KAT6A: variants seen among roughly 807,000 people sequenced by gnomAD.
The protein encoded by KAT6A is histone acetyltransferase KAT6A.
In KAT6A, 9 loss-of-function variants were observed where a neutral mutation model predicts 198.4. That is an observed-to-expected ratio of 0.05 (90% CI 0.03 to 0.08). The LOEUF is 0.08. Among genes scored for constraint, KAT6A ranks in the 10% least tolerant of loss-of-function variants. The pLI is 1.00. For missense variants in KAT6A, 2,077 were observed against 2,509.9 expected (o/e 0.83, Z 3.69); for synonymous variants, 890 against 883.0 (o/e 1.01, Z -0.14).
rs1236640360 is a variant in KAT6A, at chr8:42,049,011, T to C, written c.-34A>G. On this transcript the variant is annotated 5_prime_UTR_variant, in exon 2 of 17. Coordinates refer to ENST00000265713, the MANE Select transcript of KAT6A (RefSeq NM_006766.5). ...ATTCTGTATATCCATAGAGTCGTTA[T>C]CCCTTATCCTGATGCTGAGTAAGTT... 2 of 1,577,422 alleles carry C rather than the reference T, an allele frequency of 1.3e-6. No homozygotes were observed. Among genetic ancestry groups the C allele is most frequent in the South Asian group, 2.3e-5 (2 of 85,922 alleles).
chr8:41,942,036 C>T (rs1822165575), intron 14 of KAT6A: 1 of 184,122 alleles, frequency 5.4e-6, no homozygotes. Flanking sequence ...TTAAACTGCA[C>T]TAAAGAGAGG....
chr8:42,012,204 A>G (rs2150909385), intron 2 of KAT6A, among the ~76,000 whole-genome samples: 1 of 152,340 alleles, frequency 6.6e-6, no homozygotes, highest in East Asian at 1.9e-4. Context: ...GTTTCTTATA[A>G]AAGTTAAACA....
At chr8:41,943,715 T>A in intron 13 of KAT6A, 33 bp downstream of exon 13, 1 of 1,511,242 alleles carries the variant, frequency 6.6e-7, no homozygotes, top group Non-Finnish European at 9.2e-7. Flanking sequence ...CCTAATTATC[T>A]TTCAAAGGTA....
intron 2 of KAT6A, among the ~76,000 whole-genome samples, chr8:41,991,491 A>G (rs963240277): frequency 2.6e-5 from 4 of 152,336 alleles, no homozygotes; most frequent in African/African-American, 9.6e-5. Flanking sequence ...TTGTAAACAG[A>G]CTACTGAGGT....
At chr8:42,015,771 T>C (rs953709655) in intron 2 of KAT6A, among the ~76,000 whole-genome samples, 6 of 152,226 alleles carry the variant, frequency 3.9e-5, no homozygotes, top group Admixed American at 1.3e-4. Context: ...TGCAATGCTA[T>C]GAACAACTGA....
chr8:42,012,080 G>A (rs1466224629), intron 2 of KAT6A, among the ~76,000 whole-genome samples: 5 of 152,084 alleles, frequency 3.3e-5, no homozygotes, highest in African/African-American at 9.7e-5. Flanking sequence ...CTATTAGAAC[G>A]GCTTTTTAAA....
At chr8:41,946,511 C>CAT in intron 12 of KAT6A, 80 bp downstream of exon 12, 1 of 690,126 alleles carries the variant, frequency 1.4e-6, no homozygotes, top group Non-Finnish European at 2.6e-6. Context: ...CACACACACA[C>CAT]ACACACACAC....
intron 2 of KAT6A, among the ~76,000 whole-genome samples, chr8:42,000,352 A>G (rs1587807061): frequency 6.6e-6 from 1 of 152,098 alleles, no homozygotes; most frequent in Admixed American, 6.6e-5. Flanking sequence ...GGACTTTGAG[A>G]CCTGCCTGGC....
chr8:41,977,924 TA>T (rs559463496), intron 6 of KAT6A, among the ~76,000 whole-genome samples: 1 of 152,174 alleles, frequency 6.6e-6, no homozygotes, highest in Admixed American at 6.5e-5. Context: ...GTCTTACGTG[TA>T]AAAAAAGTAA....
chr8:41,965,840 T>C (rs1185605055), intron 8 of KAT6A, among the ~76,000 whole-genome samples: 1 of 152,188 alleles, frequency 6.6e-6, no homozygotes, highest in African/African-American at 2.4e-5. Flanking sequence ...ATCTTTTTGC[T>C]GTTAAGTGAT....
chr8:41,947,980 T>G (rs1390514115), intron 10 of KAT6A, 68 bp from the exon 11 acceptor site: 2 of 1,290,222 alleles, frequency 1.6e-6, no homozygotes, highest in Non-Finnish European at 2.1e-6. Flanking sequence ...TATGTATCAG[T>G]TAAAAGCATC....
At chr8:41,991,269 A>G (rs1824932759) in intron 2 of KAT6A, among the ~76,000 whole-genome samples, 1 of 152,250 alleles carries the variant, frequency 6.6e-6, no homozygotes, top group South Asian at 2.1e-4. Context: ...GGTTAAACAG[A>G]TAAACTGTGC....
In KAT6A at chr8:41,973,175, T is replaced by C. The variant is rs142866892; in HGVS notation, c.1482+1529A>G. On this transcript the variant is annotated intron_variant, in intron 8 of 16. Transcript: ENST00000265713. ...ACATCAACAGTCTATTCACCACCAC[T>C]GGGTCTCTTAATATGAAGAGTTTTC... is the stretch of plus-strand genomic sequence containing the variant. 8.3e-3 allele frequency among the ~76,000 whole-genome samples: 1,267 copies of C among 152,312 alleles called. 17 individuals carry two copies. The highest frequency in any genetic ancestry group is 0.03 in the African/African-American group (1,226 of 41,556).
intron 8 of KAT6A, among the ~76,000 whole-genome samples, chr8:41,972,367 C>T (rs1823838742): frequency 6.6e-6 from 1 of 152,172 alleles, no homozygotes; most frequent in Non-Finnish European, 1.5e-5. Context: ...AACAGGTTAT[C>T]TGCATTTCTG....
At chr8:42,050,070 A>G (rs1802527214) in intron 1 of KAT6A, among the ~76,000 whole-genome samples, 1 of 152,190 alleles carries the variant, frequency 6.6e-6, no homozygotes, top group Admixed American at 6.5e-5. Flanking sequence ...AGTAATTCAG[A>G]CAGGAAAACT....
intron 5 of KAT6A, among the ~76,000 whole-genome samples, chr8:41,979,487 G>C (rs1824240376): frequency 1.3e-5 from 2 of 151,222 alleles, no homozygotes; most frequent in Admixed American, 1.3e-4. Flanking sequence ...AAAAACATTA[G>C]CTGCAAGCCA....
chr8:41,966,200 G>A (rs780502210), intron 8 of KAT6A, among the ~76,000 whole-genome samples: 5 of 151,988 alleles, frequency 3.3e-5, no homozygotes, highest in African/African-American at 1.2e-4. Context: ...TCAGTGGCAG[G>A]TTCTTGGAAT....
chr8:41,972,860 T>G (rs1823865623), intron 8 of KAT6A, among the ~76,000 whole-genome samples: 2 of 152,196 alleles, frequency 1.3e-5, no homozygotes, highest in Non-Finnish European at 2.9e-5. Context: ...AAAAAAAAAT[T>G]CTTTCAGTCA....
At chr8:42,026,260 T>C (rs541264234) in intron 2 of KAT6A, among the ~76,000 whole-genome samples, 16 of 152,362 alleles carry the variant, frequency 1.1e-4, no homozygotes, top group African/African-American at 3.6e-4. Context: ...TCAGGGTCTT[T>C]TGTGGTTCCG....
Sources: gnomAD v4.1 joint callset for allele counts (sites outside exome capture counted in the v4.1 genomes callset) on GRCh38, gnomAD v4.1.1 for gene constraint, MANE v1.5 for transcripts, NCBI Gene and HGNC (gene_info 2026-07-23, HGNC 2026-07-21) for gene names.